The following CACNA1D variants were observed in gnomAD, a reference collection of about 807,000 sequenced individuals.
The protein encoded by CACNA1D is voltage-dependent L-type calcium channel subunit alpha-1D.
A neutral mutation model predicts 257.1 loss-of-function variants in CACNA1D; 55 were observed. That is an observed-to-expected ratio of 0.21 (90% CI 0.17 to 0.27). The LOEUF (loss-of-function observed/expected upper bound fraction) is 0.27, where lower values mean the gene tolerates loss of function less well. Ranked by LOEUF, CACNA1D falls within the 10% of genes least tolerant of loss-of-function variation. CACNA1D has a pLI of 1.00. For missense variants in CACNA1D, 1,876 were observed against 2,784.0 expected (o/e 0.67, Z 7.34); for synonymous variants, 980 against 1,014.9 (o/e 0.97, Z 0.65).
rs1348423063 is a variant in CACNA1D, at chr3:53,762,362, T to A, written c.3870+281T>A. 5.3e-5 allele frequency among the ~76,000 whole-genome samples: 8 copies of A among 152,250 alleles called. No homozygotes were observed. In the East Asian group the frequency reaches 1.3e-3, roughly 26 times the overall value. ...CAAGGTAAGATAGGATGTCTCTAAT[T>A]GTTTTCATTTGCTGTGTCAGAAGTG... On this transcript the variant is annotated intron_variant, in intron 30 of 47. Coordinates refer to ENST00000350061, the MANE Select transcript of CACNA1D (RefSeq NM_001128840.3).
At chr3:53,791,772 C>T (rs1013346055) in intron 40 of CACNA1D, 8 of 152,418 alleles carry the variant, frequency 5.2e-5, no homozygotes, top group African/African-American at 1.9e-4. Flanking sequence ...TAACATTGTC[C>T]GTCTTTAATT....
intron 3 of CACNA1D, among the ~76,000 whole-genome samples, chr3:53,568,321 A>C (rs746584983): frequency 2.0e-5 from 3 of 152,214 alleles, no homozygotes; most frequent in Non-Finnish European, 4.4e-5. Context: ...CATTGATGCT[A>C]CATTCAGGAC....
At chr3:53,503,754 G>A (rs2090701534) in intron 3 of CACNA1D, among the ~76,000 whole-genome samples, 1 of 151,680 alleles carries the variant, frequency 6.6e-6, no homozygotes, top group Non-Finnish European at 1.5e-5. Flanking sequence ...CTATTCTTAA[G>A]CTTTGAACTT....
intron 11 of CACNA1D, 116 bp downstream of exon 11, chr3:53,719,897 T>C: frequency 2.1e-6 from 2 of 956,502 alleles, no homozygotes; most frequent in Non-Finnish European, 3.4e-6. Flanking sequence ...GATTATAACA[T>C]TGATACTGAA....
At chr3:53,572,082 T>G (rs1480188284) in intron 3 of CACNA1D, among the ~76,000 whole-genome samples, 2 of 152,236 alleles carry the variant, frequency 1.3e-5, no homozygotes, top group Non-Finnish European at 2.9e-5. Flanking sequence ...CTTTACATGC[T>G]GTTAATTTGT....
At position 53,723,403 on chromosome 3, in the gene CACNA1D, C is replaced by G. The variant is rs1389577963; in HGVS notation, c.1667-31C>G. The G allele has an allele frequency of 1.9e-6, 3 of 1,555,108 alleles. No homozygotes were observed. The highest frequency in any genetic ancestry group is 2.2e-5 in the East Asian group (1 of 44,578). On this transcript the variant is annotated intron_variant, in intron 12 of 47. Transcript: ENST00000350061. This position sits in a 1 kb window ranked among gnomAD's most constrained non-coding sequence, Gnocchi z 5.6. ...GCAGTCTGAGTGTCTTGCAGGAGAC[C>G]CTGAGGATGGGTGCCCCTTTGTCTT...
intron 3 of CACNA1D, among the ~76,000 whole-genome samples, chr3:53,631,272 T>A (rs561214519): frequency 2.6e-5 from 4 of 152,344 alleles, no homozygotes; most frequent in African/African-American, 9.6e-5. Flanking sequence ...TATGTTTATG[T>A]GATATTCTAA....
At chr3:53,588,556 G>A (rs1453311054) in intron 3 of CACNA1D, among the ~76,000 whole-genome samples, 1 of 152,168 alleles carries the variant, frequency 6.6e-6, no homozygotes, top group Non-Finnish European at 1.5e-5. Context: ...GGAGGTGACT[G>A]ACAGATCTGT....
At chr3:53,683,019 G>T (rs976036197) in intron 8 of CACNA1D, among the ~76,000 whole-genome samples, 2 of 152,202 alleles carry the variant, frequency 1.3e-5, no homozygotes, top group Non-Finnish European at 2.9e-5. Flanking sequence ...GAGCCCAGCA[G>T]AGAACGATGG....
intron 3 of CACNA1D, among the ~76,000 whole-genome samples, chr3:53,640,535 G>A (rs1180495102): frequency 4.6e-5 from 7 of 152,198 alleles, no homozygotes; most frequent in Non-Finnish European, 1.0e-4. Flanking sequence ...GGTACTGTGA[G>A]GGGATTCTGC....
intron 2 of CACNA1D, among the ~76,000 whole-genome samples, chr3:53,500,398 G>T (rs1313997620): frequency 2.7e-5 from 4 of 148,694 alleles, no homozygotes; most frequent in Non-Finnish European, 4.4e-5. Flanking sequence ...TTGCGCCAGT[G>T]CACTCCAGCC....
At chr3:53,711,173 G>A (rs2094750507) in intron 9 of CACNA1D, among the ~76,000 whole-genome samples, 1 of 152,046 alleles carries the variant, frequency 6.6e-6, no homozygotes, top group Non-Finnish European at 1.5e-5. Context: ...CATAAGCCCA[G>A]GAGTTCGAGG....
chr3:53,749,479 A>G lies in CACNA1D; in HGVS notation c.3516+10A>G. The G allele has an allele frequency of 1.5e-5, 24 of 1,599,164 alleles. No homozygotes were observed. Among genetic ancestry groups the G allele is most frequent in the Non-Finnish European group, 2.1e-5 (24 of 1,166,444 alleles). On this transcript the variant is annotated intron_variant, in intron 27 of 47. Coordinates refer to ENST00000350061, the MANE Select transcript of CACNA1D (RefSeq NM_001128840.3). The stretch of plus-strand genomic sequence containing the variant: ...GCTGGACAAAAATCAGGTTAAAGTC[A>G]CACACTGTTTTGGCTTCTGTCCCTT...
At chr3:53,656,874 AG>A (rs1166242679) in intron 4 of CACNA1D, among the ~76,000 whole-genome samples, 21 of 152,236 alleles carry the variant, frequency 1.4e-4, no homozygotes, top group African/African-American at 4.8e-4. Flanking sequence ...CATACCCACT[AG>A]TATTACTAAA....
chr3:53,712,335 G>T (rs530515810), intron 9 of CACNA1D, among the ~76,000 whole-genome samples: 1 of 152,322 alleles, frequency 6.6e-6, no homozygotes, highest in African/African-American at 2.4e-5. Context: ...CACCAGGTGG[G>T]GCACGAGCCC....
At chr3:53,517,769 AC>A (rs1384584396) in intron 3 of CACNA1D, among the ~76,000 whole-genome samples, 1 of 152,130 alleles carries the variant, frequency 6.6e-6, no homozygotes, top group Non-Finnish European at 1.5e-5. Context: ...GGCATGAGCC[AC>A]CGTGCCCGGC....
intron 3 of CACNA1D, among the ~76,000 whole-genome samples, chr3:53,529,229 A>G (rs1225315919): frequency 6.6e-6 from 1 of 152,020 alleles, no homozygotes; most frequent in African/African-American, 2.4e-5. Flanking sequence ...AGGATGTTGA[A>G]TTTTGTCAAA....
intron 29 of CACNA1D, among the ~76,000 whole-genome samples, chr3:53,761,411 A>G (rs959340826): frequency 6.6e-5 from 10 of 152,182 alleles, no homozygotes; most frequent in African/African-American, 1.4e-4. Flanking sequence ...CCCGTAAGCC[A>G]TTATCTACCC....
intron 3 of CACNA1D, among the ~76,000 whole-genome samples, chr3:53,594,368 A>C (rs2093345028): frequency 6.6e-6 from 1 of 152,216 alleles, no homozygotes; most frequent in Non-Finnish European, 1.5e-5. Flanking sequence ...CAGGTTCCTC[A>C]GGCCATGCTT....
Sources: allele counts gnomAD v4.1 joint callset (sites outside exome capture counted in the v4.1 genomes callset), GRCh38; gene constraint gnomAD v4.1.1; non-coding constraint Gnocchi (gnomAD v3.1); transcripts MANE v1.5; gene names NCBI Gene and HGNC (gene_info 2026-07-23, HGNC 2026-07-21).